The following BPTF variants were observed in gnomAD, a reference collection of about 807,000 sequenced individuals.
The protein encoded by BPTF is nucleosome-remodeling factor subunit BPTF.
A neutral mutation model predicts 292.5 loss-of-function variants in BPTF; 18 were observed. That is an observed-to-expected ratio of 0.06 (90% CI 0.04 to 0.09). BPTF has a LOEUF of 0.09. BPTF is among the 10% of genes least tolerant of loss of function. The probability of loss-of-function intolerance (pLI) is 1.00; values close to 1 mark genes in which losing one functional copy is unlikely to be tolerated. For synonymous variants in BPTF, 1,225 were observed against 1,251.9 expected (o/e 0.98, Z 0.45); for missense variants, 2,726 against 3,498.7 (o/e 0.78, Z 5.57).
At chr17:67,950,173 C>T (rs1426998788) in intron 23 of BPTF, among the ~76,000 whole-genome samples, 8 of 151,218 alleles carry the variant, frequency 5.3e-5, no homozygotes, top group African/African-American at 1.7e-4. Flanking sequence ...CCGAGGCGGG[C>T]AGATCACTTG....
At chr17:67,967,249 C>T (rs1325217190) in intron 26 of BPTF, among the ~76,000 whole-genome samples, 2 of 150,272 alleles carry the variant, frequency 1.3e-5, no homozygotes, top group Non-Finnish European at 3.0e-5. Flanking sequence ...TCAAGCAATT[C>T]TCCTGCCTCA....
rs537547459 is a variant in BPTF at position 67,829,623 on chromosome 17, G to A, written c.613+3286G>A. Among the ~76,000 whole-genome samples, 7 of 152,268 alleles carry A rather than the reference G, an allele frequency of 4.6e-5. No homozygotes were observed. In the South Asian group the frequency reaches 1.2e-3, roughly 27 times the overall value. On this transcript the variant is annotated intron_variant, in intron 1 of 27. Coordinates refer to ENST00000306378, the MANE Select transcript of BPTF (RefSeq NM_182641.4). ...GTACTTCCTGGAGGAAGGCTGTCAG[G>A]TAAATGTGTAGATAGAAGAAAAAAA... is the stretch of plus-strand genomic sequence containing the variant.
intron 14 of BPTF, among the ~76,000 whole-genome samples, chr17:67,924,288 T>C (rs1252838819): frequency 6.6e-6 from 1 of 152,158 alleles, no homozygotes; most frequent in Non-Finnish European, 1.5e-5. Flanking sequence ...CTAACTTTTG[T>C]ATTTTTAGTA....
intron 25 of BPTF, chr17:67,965,175 C>T (rs1448906772): frequency 6.6e-6 from 1 of 151,658 alleles, no homozygotes; most frequent in Non-Finnish European, 1.5e-5. Flanking sequence ...CCCCATCTCT[C>T]TACTAAAAAT....
chr17:67,842,032 A>G (rs1222238617), intron 1 of BPTF, among the ~76,000 whole-genome samples: 1 of 152,162 alleles, frequency 6.6e-6, no homozygotes, highest in Non-Finnish European at 1.5e-5. Context: ...ACCTCTAAAT[A>G]AAATGTAAAA....
At chr17:67,933,897 A>G (rs886208951) in intron 18 of BPTF, among the ~76,000 whole-genome samples, 4 of 151,570 alleles carry the variant, frequency 2.6e-5, no homozygotes, top group Non-Finnish European at 1.5e-5. Flanking sequence ...CATCTCTACT[A>G]AAAATATAAA....
At chr17:67,874,717 T>C (rs2145741309) in intron 3 of BPTF, 100 bp from the exon 4 acceptor site, 1 of 734,932 alleles carries the variant, frequency 1.4e-6, no homozygotes, top group South Asian at 2.0e-5. Context: ...TAATTTTTCC[T>C]CTTTAATAGC....
intron 1 of BPTF, among the ~76,000 whole-genome samples, chr17:67,830,888 G>A (rs1846994935): frequency 6.6e-6 from 1 of 152,188 alleles, no homozygotes; most frequent in Admixed American, 6.5e-5. Context: ...GAGGAGTTAT[G>A]TTGTATTCCC....
intron 7 of BPTF, among the ~76,000 whole-genome samples, chr17:67,895,189 TG>T (rs1264785933): frequency 6.6e-6 from 1 of 151,844 alleles, no homozygotes; most frequent in African/African-American, 2.4e-5. Flanking sequence ...AAAAATTAGC[TG>T]GGTGTGGTGG....
At chr17:67,930,117 A>T (rs2064244737) in intron 17 of BPTF, among the ~76,000 whole-genome samples, 1 of 69,360 alleles carries the variant, frequency 1.4e-5, no homozygotes, top group African/African-American at 1.3e-4. Flanking sequence ...CCTTGTCTCA[A>T]AAAAAAAAAA....
chr17:67,861,568 A>G (rs2059087538), intron 2 of BPTF, among the ~76,000 whole-genome samples: 1 of 152,138 alleles, frequency 6.6e-6, no homozygotes, highest in Admixed American at 6.5e-5. Context: ...AGCCCACCTC[A>G]GCCTCCAAAT....
intron 4 of BPTF, among the ~76,000 whole-genome samples, chr17:67,889,916 G>T (rs1157936374): frequency 6.6e-6 from 1 of 152,158 alleles, no homozygotes; most frequent in Non-Finnish European, 1.5e-5. Context: ...CCAGCCTGGG[G>T]TGGCAAGATG....
chr17:67,831,162 G>A (rs906774582), intron 1 of BPTF, among the ~76,000 whole-genome samples: 1 of 152,138 alleles, frequency 6.6e-6, no homozygotes, highest in African/African-American at 2.4e-5. Flanking sequence ...ATAGCTGGTG[G>A]GTTTTGTAGC....
intron 24 of BPTF, 195 bp downstream of exon 24, chr17:67,960,070 T>G (rs1279369290): frequency 1.4e-5 from 7 of 503,762 alleles, no homozygotes; most frequent in Non-Finnish European, 2.1e-5. Context: ...TTCACGTGTT[T>G]GTGATTGTCC....
chr17:67,923,458 CCTCT>C (rs954570450), intron 14 of BPTF, among the ~76,000 whole-genome samples: 1 of 142,836 alleles, frequency 7.0e-6, no homozygotes, highest in Non-Finnish European at 1.5e-5. Flanking sequence ...TTAGTAAGGT[CCTCT>C]CTCTCTGTCT....
intron 18 of BPTF, among the ~76,000 whole-genome samples, chr17:67,932,731 GA>G (rs1270601625): frequency 6.6e-6 from 1 of 151,804 alleles, no homozygotes; most frequent in East Asian, 1.9e-4. Context: ...AAATGTTAAA[GA>G]TTTTTTTTTA....
chr17:67,981,844 A>G (rs1453025220), intron 27 of BPTF: 2 of 345,792 alleles, frequency 5.8e-6, no homozygotes, highest in Non-Finnish European at 7.8e-6. Flanking sequence ...TTCCCTTTAT[A>G]TTCCCCTCAT....
chr17:67,971,278 C>G (rs544087730), intron 26 of BPTF, among the ~76,000 whole-genome samples: 8 of 151,974 alleles, frequency 5.3e-5, no homozygotes, highest in Non-Finnish European at 1.2e-4. Flanking sequence ...AGGGTTTCAC[C>G]ATGTTGGCCA....
intron 18 of BPTF, among the ~76,000 whole-genome samples, chr17:67,932,369 T>A (rs965921460): frequency 6.6e-5 from 10 of 152,214 alleles, no homozygotes; most frequent in Non-Finnish European, 1.3e-4. Context: ...GTTCATTTAT[T>A]ACTCTTAATG....
Sources: allele counts gnomAD v4.1 joint callset (sites outside exome capture counted in the v4.1 genomes callset), GRCh38; gene constraint gnomAD v4.1.1; transcripts MANE v1.5; gene names NCBI Gene and HGNC (gene_info 2026-07-23, HGNC 2026-07-21).